Variants in VPS13A observed in about 807,000 individuals in gnomAD.
VPS13A encodes the protein intermembrane lipid transfer protein VPS13A.
VPS13A carries 264 observed loss-of-function variants against 390.9 expected under a neutral mutation model. The ratio of observed to expected loss-of-function variants is 0.68; its 90% CI spans 0.61 to 0.75. The LOEUF (loss-of-function observed/expected upper bound fraction) is 0.75, where lower values mean the gene tolerates loss of function less well. VPS13A is among the 30% of genes least tolerant of loss of function. The pLI, the probability that VPS13A is intolerant of heterozygous loss-of-function variation, is 0.00. For synonymous variants in VPS13A, 1,231 were observed against 1,227.1 expected (o/e 1.00, Z -0.07); for missense variants, 3,409 against 3,733.9 (o/e 0.91, Z 2.27).
chr9:77,352,786 G>A (rs1016235471), intron 53 of VPS13A, among the ~76,000 whole-genome samples: 2 of 151,968 alleles, frequency 1.3e-5, no homozygotes, highest in African/African-American at 4.8e-5. Context: ...TCTGTATATT[G>A]CAACGTGAAG....
chr9:77,213,532 T>C (rs1826091518), intron 9 of VPS13A, among the ~76,000 whole-genome samples: 1 of 151,614 alleles, frequency 6.6e-6, no homozygotes, highest in African/African-American at 2.4e-5. Flanking sequence ...GGTCTTGCTC[T>C]GTTGCCCAGG....
At chr9:77,203,228 G>T (rs1457851331) in intron 3 of VPS13A, among the ~76,000 whole-genome samples, 2 of 151,968 alleles carry the variant, frequency 1.3e-5, no homozygotes, top group Non-Finnish European at 2.9e-5. Context: ...GTATTTTTTT[G>T]AAATTTGCCA....
intron 33 of VPS13A, among the ~76,000 whole-genome samples, chr9:77,297,835 A>T (rs915253343): frequency 6.6e-6 from 1 of 152,140 alleles, no homozygotes; most frequent in African/African-American, 2.4e-5. Flanking sequence ...TCACATTTTG[A>T]AAAGGTTCTA....
chr9:77,192,497 G>A (rs1824744114), intron 1 of VPS13A, among the ~76,000 whole-genome samples: 1 of 152,138 alleles, frequency 6.6e-6, no homozygotes, highest in African/African-American at 2.4e-5. Context: ...CATTTCCATG[G>A]TTAGTACTCC....
chr9:77,339,910 A>AG lies in VPS13A; in HGVS notation c.6774+1dup. ...CCAAATCACTTTTTTAATAACAATA[A>AG]GGTATGCGATGTTTATTCTGTTTTT... is the stretch of plus-strand genomic sequence containing the variant. On this transcript the variant is annotated frameshift_variant and splice_region_variant, in exon 48 of 72. Coordinates refer to ENST00000360280, the MANE Select transcript of VPS13A (RefSeq NM_033305.3). LOFTEE classifies it high-confidence loss of function. The AG allele has an allele frequency of 6.2e-7, 1 of 1,609,216 alleles. No individual in the cohort carries two copies. Among genetic ancestry groups the AG allele is most frequent in the Non-Finnish European group, 8.5e-7 (1 of 1,179,804 alleles).
At chr9:77,239,076 T>C (rs939821734) in intron 19 of VPS13A, among the ~76,000 whole-genome samples, 5 of 152,180 alleles carry the variant, frequency 3.3e-5, no homozygotes, top group African/African-American at 1.2e-4. Context: ...GATTTTTTTT[T>C]TCCCCTTTTG....
chr9:77,365,401 C>A, intron 59 of VPS13A, 59 bp from the exon 60 acceptor site: 2 of 1,120,498 alleles, frequency 1.8e-6, no homozygotes, highest in Non-Finnish European at 2.7e-6. Context: ...CTTCTATTTG[C>A]TTAAATATCT....
At chr9:77,297,541 GA>G (rs552673117) in intron 33 of VPS13A, among the ~76,000 whole-genome samples, 1 of 151,340 alleles carries the variant, frequency 6.6e-6, no homozygotes, top group Non-Finnish European at 1.5e-5. Flanking sequence ...CTTGTGTCTT[GA>G]AAACTATTTT....
chr9:77,396,106 TCTCA>T (rs929786284), intron 68 of VPS13A, among the ~76,000 whole-genome samples: 19 of 152,072 alleles, frequency 1.2e-4, no homozygotes, highest in African/African-American at 4.6e-4. Flanking sequence ...CCCTTGATGC[TCTCA>T]CTCTGGCTCT....
intron 68 of VPS13A, among the ~76,000 whole-genome samples, chr9:77,392,027 A>T: frequency 6.6e-6 from 1 of 152,180 alleles, no homozygotes; most frequent in East Asian, 1.9e-4. Context: ...TGTTCTGGTG[A>T]TGGGGCATAA....
chr9:77,409,104 G>A (rs1737534803), intron 71 of VPS13A, among the ~76,000 whole-genome samples: 2 of 152,210 alleles, frequency 1.3e-5, no homozygotes, highest in Admixed American at 1.3e-4. Flanking sequence ...AAAACTTCCA[G>A]AGGAACAATC....
chr9:77,205,897 G>T, intron 4 of VPS13A, 81 bp from the exon 5 acceptor site: 1 of 1,146,948 alleles, frequency 8.7e-7, no homozygotes, highest in South Asian at 1.4e-5. Flanking sequence ...GCCAATTAAT[G>T]ATTATTTGTA....
At chr9:77,384,575 A>G (rs767724752) in intron 68 of VPS13A, 6 of 1,611,456 alleles carry the variant, frequency 3.7e-6, no homozygotes, top group South Asian at 1.1e-5. Flanking sequence ...TTCCTTTGCC[A>G]TGCTTACAGA....
intron 1 of VPS13A, among the ~76,000 whole-genome samples, chr9:77,190,146 G>C (rs1324654126): frequency 2.6e-5 from 4 of 152,120 alleles, no homozygotes; most frequent in Non-Finnish European, 5.9e-5. Flanking sequence ...TTGAATAGGA[G>C]TAAGTGGGTA....
intron 65 of VPS13A, 129 bp from the exon 66 acceptor site, chr9:77,370,761 A>T: frequency 1.4e-6 from 2 of 1,413,040 alleles, no homozygotes; most frequent in Non-Finnish European, 9.8e-7. Flanking sequence ...TAAATAAAAT[A>T]CTTAGGAGAT....
chr9:77,370,454 T>A lies in VPS13A; in HGVS notation c.8783T>A (p.Met2928Lys), dbSNP rs1266602824. 1 of 1,614,024 alleles carries A rather than the reference T, an allele frequency of 6.2e-7. No homozygotes were observed. The highest frequency in any genetic ancestry group is 8.5e-7 in the Non-Finnish European group (1 of 1,180,020). ...AGAASKITGA[M>K]AKGVAAMTMD... ...GCTGCCTCCAAAATCACCGGTGCTA[T>A]GGCTAAGGGGGTAGCAGCTATGACC... is the stretch of plus-strand genomic sequence containing the variant. Residue 2928 changes from methionine (M) to lysine (K), a missense_variant, in exon 65 of 72, where the codon ATG (methionine) becomes AAG (lysine). By Grantham distance (95) the Met-to-Lys change is moderately conservative (BLOSUM62 -1). Transcript: ENST00000360280.
intron 52 of VPS13A, among the ~76,000 whole-genome samples, chr9:77,350,408 G>A (rs1831387307): frequency 6.6e-6 from 1 of 152,076 alleles, no homozygotes; most frequent in Non-Finnish European, 1.5e-5. Flanking sequence ...TATCCTAGTT[G>A]TTAAAATGTT....
intron 71 of VPS13A, among the ~76,000 whole-genome samples, chr9:77,408,040 A>T (rs989433201): frequency 3.3e-5 from 5 of 152,230 alleles, no homozygotes; most frequent in Admixed American, 2.0e-4. Flanking sequence ...GCCAAGCCCA[A>T]CAGAAAATCC....
At position 77,386,868 on chromosome 9, in the gene VPS13A, C is replaced by T. The variant is rs539290919; in HGVS notation, c.9189+4781C>T. Among the ~76,000 whole-genome samples the T allele has an allele frequency of 7.2e-5, 11 of 151,958 alleles. No homozygotes were observed. In the South Asian group the frequency reaches 1.7e-3, roughly 23 times the overall value. ...GACTACAGGCTCCTGCCACCACACCCGGCTAATTTTTTGTGTTTTTAGTAG... is the reference window on the plus strand; with the variant it reads ...GACTACAGGCTCCTGCCACCACACCTGGCTAATTTTTTGTGTTTTTAGTAG... On this transcript the variant is annotated intron_variant, in intron 68 of 71. Coordinates refer to ENST00000360280, the MANE Select transcript of VPS13A (RefSeq NM_033305.3).
Sources: gnomAD v4.1 joint callset for allele counts (sites outside exome capture counted in the v4.1 genomes callset) on GRCh38, gnomAD v4.1.1 for gene constraint, MANE v1.5 for transcripts, NCBI Gene and HGNC (gene_info 2026-07-23, HGNC 2026-07-21) for gene names.